CCSER1: variants seen among roughly 807,000 people sequenced by gnomAD.
CCSER1 encodes the protein serine-rich coiled-coil domain-containing protein 1.
A neutral mutation model predicts 82.0 loss-of-function variants in CCSER1; 41 were observed. The ratio of observed to expected loss-of-function variants is 0.50; its 90% CI spans 0.39 to 0.65. The LOEUF (loss-of-function observed/expected upper bound fraction) is 0.65, where lower values mean the gene tolerates loss of function less well. CCSER1 is among the 30% of genes least tolerant of loss of function. The pLI, the probability that CCSER1 is intolerant of heterozygous loss-of-function variation, is 0.00. For synonymous variants in CCSER1, 414 were observed against 383.9 expected (o/e 1.08, Z -0.92); for missense variants, 1,119 against 1,064.2 (o/e 1.05, Z -0.72).
At chr4:90,167,308 C>T (rs1211099710) in intron 1 of CCSER1, among the ~76,000 whole-genome samples, 1 of 151,836 alleles carries the variant, frequency 6.6e-6, no homozygotes, top group African/African-American at 2.4e-5. Context: ...GATACTACTA[C>T]CAGGGTAAAA....
chr4:90,600,195 G>T (rs1198412969), intron 5 of CCSER1, among the ~76,000 whole-genome samples: 10 of 152,106 alleles, frequency 6.6e-5, no homozygotes, highest in Admixed American at 6.6e-4. Flanking sequence ...AGGGACGTAG[G>T]TATTTATTTC....
intron 10 of CCSER1, among the ~76,000 whole-genome samples, chr4:91,155,866 C>T (rs1170381917): frequency 6.6e-6 from 1 of 151,700 alleles, no homozygotes; most frequent in Admixed American, 6.6e-5. Context: ...AAGAACAAGA[C>T]CATATTTGGT....
At chr4:90,907,508 T>C (rs560301823) in intron 8 of CCSER1, among the ~76,000 whole-genome samples, 30 of 152,238 alleles carry the variant, frequency 2.0e-4, no homozygotes, top group African/African-American at 7.0e-4. Flanking sequence ...TAATTTTCAT[T>C]AATTTTCATC....
At chr4:90,864,018 T>C (rs1012347487) in intron 8 of CCSER1, among the ~76,000 whole-genome samples, 18 of 148,122 alleles carry the variant, frequency 1.2e-4, no homozygotes, top group African/African-American at 3.5e-4. Flanking sequence ...TATTTTATTT[T>C]ACCACCATGA....
Position 90,839,523 on chromosome 4 carries a change from C to T in CCSER1, c.2094+23678C>T, listed in dbSNP as rs1429914627. On this transcript the variant is annotated intron_variant, in intron 8 of 10. Transcript: ENST00000509176. ...ATTGTTGCATCGTACCCATCAAGAC[C>T]CAACAGTGGAACTACAAAGACAGGT... 2.6e-5 allele frequency among the ~76,000 whole-genome samples: 4 copies of T among 152,130 alleles called. No individual in the cohort carries two copies. The South Asian group carries it at 6.2e-4, about 24-fold the overall frequency.
At chr4:91,198,058 A>T (rs1257938581) in intron 10 of CCSER1, among the ~76,000 whole-genome samples, 1 of 152,200 alleles carries the variant, frequency 6.6e-6, no homozygotes, top group Admixed American at 6.5e-5. Context: ...TAAAAGATCA[A>T]TTCAAGCCAT....
intron 4 of CCSER1, among the ~76,000 whole-genome samples, chr4:90,457,066 G>A (rs375095933): frequency 1.3e-5 from 2 of 152,270 alleles, no homozygotes; most frequent in African/African-American, 2.4e-5. Flanking sequence ...CCCAGGGTCC[G>A]GCCACTGTGT....
chr4:90,743,959 A>G (rs1040609262), intron 7 of CCSER1, among the ~76,000 whole-genome samples: 13 of 152,276 alleles, frequency 8.5e-5, no homozygotes, highest in Middle Eastern at 3.4e-3. Flanking sequence ...ATTAGTTTTA[A>G]AAGTTTCATT....
chr4:91,112,796 T>C (rs6835131), intron 10 of CCSER1: 45 of 152,346 alleles, frequency 3.0e-4, no homozygotes, highest in African/African-American at 1.0e-3. Context: ...CTCTTCTATA[T>C]TGTTATTGGA....
chr4:91,295,872 G>C (rs763034144), intron 10 of CCSER1, among the ~76,000 whole-genome samples: 1 of 151,752 alleles, frequency 6.6e-6, no homozygotes, highest in Non-Finnish European at 1.5e-5. Context: ...AAAGCCATTT[G>C]AGTATATTTT....
At chr4:90,921,336 T>A (rs1277271267) in intron 8 of CCSER1, among the ~76,000 whole-genome samples, 2 of 152,102 alleles carry the variant, frequency 1.3e-5, no homozygotes, top group East Asian at 3.9e-4. Flanking sequence ...ATAGGAAACT[T>A]AGATTTTATT....
intron 5 of CCSER1, among the ~76,000 whole-genome samples, chr4:90,581,461 T>C (rs2148637875): frequency 6.6e-6 from 1 of 152,244 alleles, no homozygotes; most frequent in South Asian, 2.1e-4. Flanking sequence ...ATCTGTTTGA[T>C]TACGTTCTAC....
chr4:90,943,776 A>G (rs577108943), intron 9 of CCSER1, among the ~76,000 whole-genome samples: 4 of 107,938 alleles, frequency 3.7e-5, no homozygotes, highest in East Asian at 3.1e-4. Context: ...GGGTCTCACT[A>G]TGTTGCCTAG....
intron 6 of CCSER1, among the ~76,000 whole-genome samples, chr4:90,703,566 A>G (rs1428021122): frequency 6.6e-6 from 1 of 152,184 alleles, no homozygotes; most frequent in Non-Finnish European, 1.5e-5. Flanking sequence ...TAATGTTGAC[A>G]GTGGGGTGTT....
chr4:90,835,220 A>T (rs978722769), intron 8 of CCSER1, among the ~76,000 whole-genome samples: 1 of 151,990 alleles, frequency 6.6e-6, no homozygotes, highest in Non-Finnish European at 1.5e-5. Flanking sequence ...AGTCCCAGCT[A>T]CTCAGGAGGC....
chr4:91,452,918 G>T (rs911116319), intron 10 of CCSER1, among the ~76,000 whole-genome samples: 2 of 151,998 alleles, frequency 1.3e-5, no homozygotes, highest in Non-Finnish European at 2.9e-5. Context: ...AACTGTTGCC[G>T]AATGGCAGTA....
intron 6 of CCSER1, among the ~76,000 whole-genome samples, chr4:90,651,643 A>C (rs1355471492): frequency 6.6e-6 from 1 of 152,022 alleles, no homozygotes; most frequent in African/African-American, 2.4e-5. Flanking sequence ...CCTACGTAAC[A>C]AAACTGCACG....
intron 8 of CCSER1, among the ~76,000 whole-genome samples, chr4:90,915,491 G>A (rs899050625): frequency 2.6e-4 from 40 of 152,144 alleles, no homozygotes; most frequent in Non-Finnish European, 5.0e-4. Flanking sequence ...CTCTCAATAA[G>A]TTAGGTATTG....
At chr4:91,501,511 T>G (rs983630498) in intron 10 of CCSER1, among the ~76,000 whole-genome samples, 2 of 152,054 alleles carry the variant, frequency 1.3e-5, no homozygotes, top group African/African-American at 4.8e-5. Context: ...ATTCATATTC[T>G]TTTAATTATT....
Sources: gnomAD v4.1 joint callset for allele counts (sites outside exome capture counted in the v4.1 genomes callset) on GRCh38, gnomAD v4.1.1 for gene constraint, MANE v1.5 for transcripts, NCBI Gene and HGNC (gene_info 2026-07-23, HGNC 2026-07-21) for gene names.